KIF26B: variants seen among roughly 807,000 people sequenced by gnomAD.
The protein encoded by KIF26B is kinesin-like protein KIF26B.
In KIF26B, 63 loss-of-function variants were observed where a neutral mutation model predicts 151.2. The ratio of observed to expected loss-of-function variants is 0.42; its 90% CI spans 0.34 to 0.51. KIF26B has a LOEUF of 0.51. Among genes scored for constraint, KIF26B ranks in the 20% least tolerant of loss-of-function variants. The probability of loss-of-function intolerance (pLI) is 0.07; values close to 1 mark genes in which losing one functional copy is unlikely to be tolerated. For missense variants in KIF26B, 2,813 were observed against 2,913.6 expected (o/e 0.97, Z 0.79); for synonymous variants, 1,357 against 1,262.1 (o/e 1.08, Z -1.59).
chr1:245,589,262 G>A (rs780487771), intron 5 of KIF26B, among the ~76,000 whole-genome samples: 10 of 152,184 alleles, frequency 6.6e-5, no homozygotes, highest in Non-Finnish European at 4.4e-5. Context: ...ATAGCCCACT[G>A]CCCAGGGGTA....
intron 1 of KIF26B, 114 bp downstream of exon 1, chr1:245,155,601 G>A: frequency 3.4e-6 from 3 of 890,562 alleles, no homozygotes; most frequent in Non-Finnish European, 5.0e-6. Flanking sequence ...CTGCAGAGGC[G>A]CCCCCGGGGC....
At chr1:245,433,466 C>CAAAAAAAA (rs111335967) in intron 4 of KIF26B, among the ~76,000 whole-genome samples, 2 of 115,052 alleles carry the variant, frequency 1.7e-5, no homozygotes, top group African/African-American at 3.2e-5. Context: ...GACTCTGTCT[C>CAAAAAAAA]AAAAAAAAAA....
chr1:245,407,662 A>G (rs1236422538), intron 3 of KIF26B, among the ~76,000 whole-genome samples: 1 of 152,232 alleles, frequency 6.6e-6, no homozygotes, highest in African/African-American at 2.4e-5. Context: ...CTTAAAAACA[A>G]ACAAAACTCC....
intron 2 of KIF26B, among the ~76,000 whole-genome samples, chr1:245,280,761 T>A: frequency 9.5e-6 from 1 of 104,968 alleles, no homozygotes; most frequent in Admixed American, 1.0e-4. Context: ...CCCCTCCCCC[T>A]ACCCCACAAC....
At chr1:245,407,130 A>G (rs1031418300) in intron 3 of KIF26B, among the ~76,000 whole-genome samples, 3 of 152,100 alleles carry the variant, frequency 2.0e-5, no homozygotes, top group Non-Finnish European at 4.4e-5. Flanking sequence ...GGGTGGCTCA[A>G]TTTTGTGACA....
At chr1:245,543,769 GA>G (rs1260480750) in intron 5 of KIF26B, among the ~76,000 whole-genome samples, 1 of 152,138 alleles carries the variant, frequency 6.6e-6, no homozygotes, top group Non-Finnish European at 1.5e-5. Context: ...CCAACATGGT[GA>G]AACCCCGTCT....
chr1:245,322,377 T>C (rs1671907393), intron 2 of KIF26B, among the ~76,000 whole-genome samples: 1 of 152,074 alleles, frequency 6.6e-6, no homozygotes, highest in African/African-American at 2.4e-5. Flanking sequence ...ATCTGAGAAC[T>C]TACAGTATAA....
At chr1:245,448,511 G>T (rs1243815678) in intron 4 of KIF26B, among the ~76,000 whole-genome samples, 6 of 152,156 alleles carry the variant, frequency 3.9e-5, no homozygotes, top group Non-Finnish European at 7.3e-5. Context: ...TGCCCGGCTT[G>T]AATTCTGTTG....
intron 2 of KIF26B, among the ~76,000 whole-genome samples, chr1:245,185,409 G>T (rs1668983126): frequency 6.6e-6 from 1 of 152,152 alleles, no homozygotes; most frequent in African/African-American, 2.4e-5. Context: ...ATGAAACCTG[G>T]TTCCAACCTT....
chr1:245,521,230 C>T (rs754851980), intron 4 of KIF26B, among the ~76,000 whole-genome samples: 2 of 151,558 alleles, frequency 1.3e-5, no homozygotes, highest in Non-Finnish European at 2.9e-5. Flanking sequence ...CCAGCTACTC[C>T]GAAGGCTGAG....
rs559850340 is a variant in KIF26B at position 245,303,260 on chromosome 1, G to T, written c.466-63574G>T. On this transcript the variant is annotated intron_variant, in intron 2 of 14. Transcript: ENST00000407071. The stretch of plus-strand genomic sequence containing the variant: ...GTCGCCCAGGCCGGAGTGCAGTGGC[G>T]CGATCTCGGCTCACTGCAAGCTCCG... Among the ~76,000 whole-genome samples the T allele has an allele frequency of 3.4e-4, 49 of 145,240 alleles. 2 individuals carry two copies. Among genetic ancestry groups the T allele is most frequent in the African/African-American group, 1.3e-3 (49 of 38,328 alleles).
intron 4 of KIF26B, among the ~76,000 whole-genome samples, chr1:245,525,885 T>C (rs1661228006): frequency 6.6e-6 from 1 of 152,146 alleles, no homozygotes; most frequent in Non-Finnish European, 1.5e-5. Flanking sequence ...ATTTTAAACC[T>C]ATCTGAGTAC....
chr1:245,348,283 T>G (rs10924178), intron 2 of KIF26B, among the ~76,000 whole-genome samples: 5,626 of 152,252 alleles, frequency 0.037, 340 homozygotes, highest in African/African-American at 0.13. Context: ...GGCCCGTAAC[T>G]TCCAATGCTA....
At chr1:245,199,709 C>T (rs755720188) in intron 2 of KIF26B, among the ~76,000 whole-genome samples, 1 of 152,140 alleles carries the variant, frequency 6.6e-6, no homozygotes, top group Non-Finnish European at 1.5e-5. Context: ...GTCGCAAACT[C>T]CTGGCCTTAA....
chr1:245,390,943 A>AAAACAAAAC lies in KIF26B; in HGVS notation c.999+23579_999+23580insCAAAACAAA, dbSNP rs1553270129. On this transcript the variant is annotated intron_variant, in intron 3 of 14. Transcript: ENST00000407071. Reference sequence around the variant, plus strand: ...TCTCAAAAAAAAAAAAAAAAAAAAAAAAAAAAAAACCACCATAAAATTTTG... The same window carrying AAAACAAAAC: ...TCTCAAAAAAAAAAAAAAAAAAAAAAAAACAAAACAAAAAAAAACCACCATAAAATTTTG... 5.1e-5 allele frequency among the ~76,000 whole-genome samples: 6 copies of AAAACAAAAC among 118,456 alleles called. 1 individual carries two copies. The highest frequency in any genetic ancestry group is 2.5e-4 in the African/African-American group (6 of 24,446). The allele number at this position is 118,456 out of a possible 152,430, so 77.7% of individuals were successfully genotyped here. A position where few individuals can be genotyped will look rare whatever the true frequency, so the allele number is the denominator to read the frequency against.
intron 3 of KIF26B, among the ~76,000 whole-genome samples, chr1:245,377,205 GC>G (rs149583368): frequency 6.6e-6 from 1 of 152,210 alleles, no homozygotes; most frequent in East Asian, 1.9e-4. Context: ...GTGAGCCACC[GC>G]CCCCAGCCTG....
intron 2 of KIF26B, among the ~76,000 whole-genome samples, chr1:245,237,575 T>C (rs1333263634): frequency 6.6e-6 from 1 of 152,134 alleles, no homozygotes; most frequent in Non-Finnish European, 1.5e-5. Flanking sequence ...ATGAGCATCA[T>C]GGCAAAAAAG....
chr1:245,518,912 C>G (rs1661027953), intron 4 of KIF26B, among the ~76,000 whole-genome samples: 1 of 152,174 alleles, frequency 6.6e-6, no homozygotes, highest in South Asian at 2.1e-4. Flanking sequence ...CTCTTACACA[C>G]TCACTCCCGG....
chr1:245,580,301 C>T (rs1355910980), intron 5 of KIF26B, among the ~76,000 whole-genome samples: 1 of 152,200 alleles, frequency 6.6e-6, no homozygotes, highest in African/African-American at 2.4e-5. Context: ...CCCTCTCCTT[C>T]CCCAAGAACA....
Sources: gnomAD v4.1 joint callset for allele counts (sites outside exome capture counted in the v4.1 genomes callset) on GRCh38, gnomAD v4.1.1 for gene constraint, MANE v1.5 for transcripts, NCBI Gene and HGNC (gene_info 2026-07-23, HGNC 2026-07-21) for gene names.